The following FAM53B variants were observed in gnomAD, a reference collection of about 807,000 sequenced individuals.
The protein encoded by FAM53B is family with sequence similarity 53 member B.
Under a neutral mutation model 32.7 loss-of-function variants are expected in FAM53B, and 12 were observed. That is an observed-to-expected ratio of 0.37 (90% CI 0.24 to 0.59). The LOEUF is 0.59. FAM53B is among the 20% of genes least tolerant of loss of function. The probability of loss-of-function intolerance (pLI) is 0.72; values close to 1 mark genes in which losing one functional copy is unlikely to be tolerated. For synonymous variants in FAM53B, 234 were observed against 228.7 expected, an observed-to-expected ratio of 1.02 and a Z score of -0.21; for missense variants, 477 against 577.7, an observed-to-expected ratio of 0.83 and a Z score of 1.79.
chr10:124,698,522 A>G (rs1949890765), intron 2 of FAM53B, among the ~76,000 whole-genome samples: 1 of 152,166 alleles, frequency 6.6e-6, no homozygotes, highest in African/African-American at 2.4e-5. Context: ...GTCTGCCCAC[A>G]GAGGCAGCAC....
chr10:124,665,281 C>G (rs1949662028), intron 4 of FAM53B, among the ~76,000 whole-genome samples: 1 of 152,218 alleles, frequency 6.6e-6, no homozygotes, highest in Non-Finnish European at 1.5e-5. Context: ...GGCCACCTGC[C>G]CAGGGCCATC....
intron 3 of FAM53B, among the ~76,000 whole-genome samples, chr10:124,686,867 T>C (rs1949806149): frequency 6.6e-6 from 1 of 152,260 alleles, no homozygotes; most frequent in Non-Finnish European, 1.5e-5. Flanking sequence ...ACCAGGACTG[T>C]GCCCTGAACC....
intron 1 of FAM53B, among the ~76,000 whole-genome samples, chr10:124,720,288 A>G (rs150772653): frequency 6.4e-4 from 93 of 144,298 alleles, no homozygotes; most frequent in African/African-American, 2.3e-3. Flanking sequence ...TAGGCAATAT[A>G]GTGAGACCTC....
At position 124,682,093 on chromosome 10, in the gene FAM53B, G is replaced by A. The variant is rs74533612; in HGVS notation, c.420C>T (p.Pro140=). 198 of 1,613,626 alleles carry A rather than the reference G, an allele frequency of 1.2e-4. No homozygotes were observed. Among genetic ancestry groups the A allele is most frequent in the Non-Finnish European group, 1.5e-4 (178 of 1,179,900 alleles). ...WRPLGSKVWT[P]VEKRRCYSGG... ...CGCTGTAGCAGCGTCTCTTTTCCAC[G>A]GGAGTCCAGACTTTGGAGCCCAAGG... is the stretch of plus-strand genomic sequence containing the variant. Residue 140 remains proline, a synonymous_variant, in exon 4 of 5, where the codon CCC becomes CCT. Transcript: ENST00000337318. The surrounding 1 kb of genome is among the most constrained non-coding windows in gnomAD (Gnocchi z 5.2).
intron 4 of FAM53B, among the ~76,000 whole-genome samples, chr10:124,664,288 G>T (rs1949654123): frequency 6.6e-6 from 1 of 152,190 alleles, no homozygotes; most frequent in Non-Finnish European, 1.5e-5. Context: ...CTGAAGGGAG[G>T]TTCAGAGCTG....
intron 1 of FAM53B, among the ~76,000 whole-genome samples, chr10:124,724,964 C>G (rs908373001): frequency 1.3e-5 from 2 of 152,220 alleles, no homozygotes; most frequent in Admixed American, 1.3e-4. Context: ...AGGCAGAGTA[C>G]TGGGACAAGG....
rs111934137 is a variant in FAM53B, at chr10:124,697,083, G to A, written c.79-871C>T. Among the ~76,000 whole-genome samples, 685 of 152,180 alleles carry A rather than the reference G, an allele frequency of 4.5e-3. 1 individual carries two copies. The highest frequency in any genetic ancestry group is 7.4e-3 in the Non-Finnish European group (502 of 68,012). ...GATACCCAGGTCAAGAGGCTCGCTCGGTCCTCTCATGAGCAGAGACTACCC... is the reference window on the plus strand; with the variant it reads ...GATACCCAGGTCAAGAGGCTCGCTCAGTCCTCTCATGAGCAGAGACTACCC... On this transcript the variant is annotated intron_variant, in intron 2 of 4. Coordinates refer to ENST00000337318, the MANE Select transcript of FAM53B (RefSeq NM_014661.4).
At chr10:124,623,863 T>G in intron 4 of FAM53B, 1 of 465,018 alleles carries the variant, frequency 2.2e-6, no homozygotes, top group Non-Finnish European at 3.8e-6. Flanking sequence ...ACAAATTTGA[T>G]GCAGACCCAG....
chr10:124,685,950 T>C (rs1949799809), intron 3 of FAM53B, among the ~76,000 whole-genome samples: 1 of 152,106 alleles, frequency 6.6e-6, no homozygotes, highest in South Asian at 2.1e-4. Context: ...AGACAAGCAT[T>C]TCAGACTGGC....
intron 1 of FAM53B, among the ~76,000 whole-genome samples, chr10:124,716,250 G>A (rs1305957124): frequency 6.6e-6 from 1 of 152,180 alleles, no homozygotes; most frequent in Non-Finnish European, 1.5e-5. Flanking sequence ...GGCCACACTT[G>A]GGGAAGGACT....
chr10:124,657,503 T>C (rs1293529590), intron 4 of FAM53B, among the ~76,000 whole-genome samples: 1 of 152,182 alleles, frequency 6.6e-6, no homozygotes, highest in Admixed American at 6.5e-5. Context: ...TATTTAAAGA[T>C]CATTATCTCT....
At chr10:124,649,120 T>C (rs1949539527) in intron 4 of FAM53B, among the ~76,000 whole-genome samples, 2 of 152,240 alleles carry the variant, frequency 1.3e-5, no homozygotes, top group Non-Finnish European at 2.9e-5. Context: ...TGCAACTCTC[T>C]AGGCCTGTTT....
intron 3 of FAM53B, among the ~76,000 whole-genome samples, chr10:124,694,940 T>A (rs552235389): frequency 6.6e-6 from 1 of 152,310 alleles, no homozygotes; most frequent in African/African-American, 2.4e-5. Context: ...CTCCGCTTAC[T>A]GAGGGACCTT....
intron 1 of FAM53B, among the ~76,000 whole-genome samples, chr10:124,727,757 T>C (rs1417842429): frequency 6.6e-6 from 1 of 152,006 alleles, no homozygotes; most frequent in East Asian, 1.9e-4. Flanking sequence ...ACCGAGATGA[T>C]GTGCAGAGAA....
chr10:124,734,224 G>C (rs1259720939), intron 1 of FAM53B, among the ~76,000 whole-genome samples: 1 of 152,236 alleles, frequency 6.6e-6, no homozygotes, highest in Non-Finnish European at 1.5e-5. Flanking sequence ...CAGTCTGACT[G>C]TCCATAATAC....
chr10:124,697,973 G>A (rs1329135631), intron 2 of FAM53B, among the ~76,000 whole-genome samples: 1 of 152,184 alleles, frequency 6.6e-6, no homozygotes, highest in East Asian at 1.9e-4. Flanking sequence ...ACACACCGAA[G>A]TCATCCAATG....
At chr10:124,719,175 T>A (rs1950053956) in intron 1 of FAM53B, among the ~76,000 whole-genome samples, 2 of 152,048 alleles carry the variant, frequency 1.3e-5, no homozygotes, top group Non-Finnish European at 2.9e-5. Context: ...ATCTAAGAAG[T>A]TTGGAGGAAC....
chr10:124,743,161 G>T, intron 1 of FAM53B, among the ~76,000 whole-genome samples: 1 of 143,360 alleles, frequency 7.0e-6, no homozygotes, highest in Non-Finnish European at 1.5e-5. Context: ...GTGGGGGGGC[G>T]GGGGGAGCGA....
intron 1 of FAM53B, among the ~76,000 whole-genome samples, chr10:124,720,089 G>A (rs113795762): frequency 0.043 from 6,592 of 151,850 alleles, 204 homozygotes; most frequent in East Asian, 0.12. Context: ...CTTGAACCTG[G>A]GAGGTGGAGG....
Sources: allele counts gnomAD v4.1 joint callset (sites outside exome capture counted in the v4.1 genomes callset), GRCh38; gene constraint gnomAD v4.1.1; non-coding constraint Gnocchi (gnomAD v3.1); transcripts MANE v1.5; gene names NCBI Gene and HGNC (gene_info 2026-07-23, HGNC 2026-07-21).